The following RARB variants were observed in gnomAD, a reference collection of about 807,000 sequenced individuals.
RARB encodes the protein retinoic acid receptor beta.
RARB carries 17 observed loss-of-function variants against 51.9 expected under a neutral mutation model. That is an observed-to-expected ratio of 0.33 (90% confidence interval 0.22 to 0.49). The LOEUF (loss-of-function observed/expected upper bound fraction) is 0.49. RARB is among the 20% of genes least tolerant of loss of function. RARB has a pLI of 0.99. For missense variants in RARB, 369 were observed against 550.8 expected (o/e 0.67, Z 3.30); for synonymous variants, 215 against 195.4 (o/e 1.10, Z -0.84).
intron 3 of RARB, among the ~76,000 whole-genome samples, chr3:25,090,783 C>T (rs1420463361): frequency 6.6e-6 from 1 of 152,088 alleles, no homozygotes; most frequent in East Asian, 1.9e-4. Flanking sequence ...CAGAAACAGC[C>T]AATATACACT....
chr3:24,994,473 C>A (rs1696979450), intron 2 of RARB, among the ~76,000 whole-genome samples: 1 of 151,968 alleles, frequency 6.6e-6, no homozygotes. Flanking sequence ...CTGATTGTTT[C>A]CTTTGCTGTA....
intron 3 of RARB, among the ~76,000 whole-genome samples, chr3:25,531,868 GAGA>G (rs1698940809): frequency 1.3e-5 from 2 of 151,732 alleles, no homozygotes; most frequent in Non-Finnish European, 2.9e-5. Context: ...TTGCTGAAGG[GAGA>G]AGAACAGAAA....
At chr3:25,035,698 C>A (rs1210697067) in intron 2 of RARB, among the ~76,000 whole-genome samples, 1 of 152,072 alleles carries the variant, frequency 6.6e-6, no homozygotes, top group African/African-American at 2.4e-5. Flanking sequence ...CTTTGTGTAC[C>A]CTACCATCTC....
intron 5 of RARB, among the ~76,000 whole-genome samples, chr3:25,420,564 C>G (rs1405792171): frequency 6.6e-6 from 1 of 152,186 alleles, no homozygotes; most frequent in South Asian, 2.1e-4. Flanking sequence ...TCAGAAAATT[C>G]TTTTCAAGGA....
intron 5 of RARB, among the ~76,000 whole-genome samples, chr3:25,413,933 A>G (rs1391898225): frequency 1.3e-5 from 2 of 152,178 alleles, no homozygotes; most frequent in African/African-American, 4.8e-5. Context: ...CACATTCTTA[A>G]AGTGTAAAAT....
chr3:25,199,614 G>T (rs997309868), intron 5 of RARB, among the ~76,000 whole-genome samples: 6 of 152,032 alleles, frequency 3.9e-5, no homozygotes, highest in African/African-American at 9.7e-5. Context: ...CACCACAACA[G>T]GCACTGGTGT....
At chr3:25,060,736 T>A (rs545487037) in intron 3 of RARB, among the ~76,000 whole-genome samples, 2 of 151,910 alleles carry the variant, frequency 1.3e-5, no homozygotes, top group Non-Finnish European at 2.9e-5. Context: ...AGAAACTGAA[T>A]TGGAGTTTCC....
At chr3:25,368,700 G>T (rs1706208999) in intron 5 of RARB, among the ~76,000 whole-genome samples, 1 of 152,124 alleles carries the variant, frequency 6.6e-6, no homozygotes. Flanking sequence ...CTTTCTAAAA[G>T]CAAGTAGATT....
At chr3:25,156,074 C>T (rs1700368888) in intron 4 of RARB, among the ~76,000 whole-genome samples, 1 of 152,160 alleles carries the variant, frequency 6.6e-6, no homozygotes, top group Non-Finnish European at 1.5e-5. Flanking sequence ...TGTGAGAGTG[C>T]TGTTTGGTCT....
intron 2 of RARB, among the ~76,000 whole-genome samples, chr3:24,889,645 C>T (rs915447113): frequency 1.3e-5 from 2 of 149,248 alleles, no homozygotes; most frequent in Non-Finnish European, 3.0e-5. Context: ...TCCCACCCAC[C>T]TCCAACAAAT....
chr3:25,585,582 A>C (rs187960072), intron 5 of RARB, among the ~76,000 whole-genome samples: 1 of 152,224 alleles, frequency 6.6e-6, no homozygotes, highest in African/African-American at 2.4e-5. Flanking sequence ...CAGGGTTTTC[A>C]TATCAGCCCC....
intron 5 of RARB, among the ~76,000 whole-genome samples, chr3:25,241,724 A>G (rs1038523567): frequency 6.6e-6 from 1 of 152,158 alleles, no homozygotes; most frequent in Non-Finnish European, 1.5e-5. Flanking sequence ...ATTGATCGGC[A>G]TTTGGGTTGG....
intron 3 of RARB, among the ~76,000 whole-genome samples, chr3:25,515,441 A>ATATTTC (rs1698114954): frequency 6.6e-6 from 1 of 152,196 alleles, no homozygotes; most frequent in Non-Finnish European, 1.5e-5. Context: ...AGAAATGAGA[A>ATATTTC]TATGGACCCA....
chr3:25,274,464 T>G (rs1436603774), intron 5 of RARB, among the ~76,000 whole-genome samples: 1 of 152,136 alleles, frequency 6.6e-6, no homozygotes, highest in Non-Finnish European at 1.5e-5. Flanking sequence ...TGCCAATTTA[T>G]ACAGGGTGAT....
intron 2 of RARB, among the ~76,000 whole-genome samples, chr3:24,902,211 T>G (rs1306615246): frequency 6.6e-6 from 1 of 152,192 alleles, no homozygotes; most frequent in African/African-American, 2.4e-5. Context: ...GACCACAGAC[T>G]TACGTGTCCC....
At chr3:25,269,541 T>G (rs1703204290) in intron 5 of RARB, among the ~76,000 whole-genome samples, 2 of 152,198 alleles carry the variant, frequency 1.3e-5, no homozygotes, top group South Asian at 2.1e-4. Context: ...AAGAGCTGCT[T>G]CTTCATTGAA....
chr3:25,057,999 G>A (rs181197575), intron 2 of RARB, among the ~76,000 whole-genome samples: 7 of 151,954 alleles, frequency 4.6e-5, no homozygotes, highest in Admixed American at 4.6e-4. Flanking sequence ...TCTTGATGCT[G>A]CCCAAACCAA....
chr3:24,899,948 A>G (rs1248781260), intron 2 of RARB, among the ~76,000 whole-genome samples: 1 of 151,982 alleles, frequency 6.6e-6, no homozygotes, highest in Admixed American at 6.6e-5. Flanking sequence ...GAATTCTGTG[A>G]TTACATCATT....
intron 5 of RARB, among the ~76,000 whole-genome samples, chr3:25,347,444 G>A (rs1253777120): frequency 6.6e-6 from 1 of 152,188 alleles, no homozygotes; most frequent in Non-Finnish European, 1.5e-5. Flanking sequence ...TTTGATGATA[G>A]TGTTCTACAA....
Sources: gnomAD v4.1 joint callset for allele counts (sites outside exome capture counted in the v4.1 genomes callset) on GRCh38, gnomAD v4.1.1 for gene constraint, MANE v1.5 for transcripts, NCBI Gene and HGNC (gene_info 2026-07-23, HGNC 2026-07-21) for gene names.